The following DNER variants were observed in gnomAD, a reference collection of about 807,000 sequenced individuals.
DNER encodes delta/notch like EGF repeat containing.
DNER carries 33 observed loss-of-function variants against 78.2 expected under a neutral mutation model. The observed-to-expected ratio is 0.42, with a 90% CI of 0.32 to 0.56. DNER has a LOEUF of 0.56. DNER is among the 20% of genes least tolerant of loss of function. The pLI is 0.11. For synonymous variants in DNER, 417 were observed against 384.8 expected, an observed-to-expected ratio of 1.08 and a Z score of -0.98; for missense variants, 918 against 975.3, an observed-to-expected ratio of 0.94 and a Z score of 0.78.
At chr2:229,613,615 A>G (rs1436707769) in intron 1 of DNER, among the ~76,000 whole-genome samples, 1 of 152,058 alleles carries the variant, frequency 6.6e-6, no homozygotes, top group Non-Finnish European at 1.5e-5. Context: ...GATTGTTTTT[A>G]CTATACTCTA....
chr2:229,544,228 G>A (rs1559162183), intron 5 of DNER, among the ~76,000 whole-genome samples: 1 of 152,114 alleles, frequency 6.6e-6, no homozygotes, highest in Non-Finnish European at 1.5e-5. Context: ...TCGGGAAGAA[G>A]AGCAGACTGG....
intron 8 of DNER, among the ~76,000 whole-genome samples, chr2:229,427,793 T>C (rs749060348): frequency 1.6e-4 from 24 of 152,110 alleles, no homozygotes; most frequent in Non-Finnish European, 2.8e-4. Flanking sequence ...ATAAGAACAC[T>C]GGGCTGGGCA....
chr2:229,632,532 A>G (rs1179486776), intron 1 of DNER, among the ~76,000 whole-genome samples: 1 of 152,198 alleles, frequency 6.6e-6, no homozygotes, highest in African/African-American at 2.4e-5. Flanking sequence ...GATTTCATTC[A>G]TTTACAATCA....
At chr2:229,524,845 C>T (rs1322432094) in intron 5 of DNER, among the ~76,000 whole-genome samples, 2 of 152,200 alleles carry the variant, frequency 1.3e-5, no homozygotes, top group East Asian at 1.9e-4. Flanking sequence ...TGGGCCAGGC[C>T]GAGGTCAATC....
chr2:229,701,120 C>T (rs1227363009), intron 1 of DNER, among the ~76,000 whole-genome samples: 3 of 151,980 alleles, frequency 2.0e-5, no homozygotes, highest in Non-Finnish European at 2.9e-5. Context: ...CAGGAGAGGC[C>T]GAAGAAAGGG....
chr2:229,524,791 G>C (rs906016694), intron 5 of DNER, among the ~76,000 whole-genome samples: 5 of 152,210 alleles, frequency 3.3e-5, no homozygotes, highest in Admixed American at 6.5e-5. Flanking sequence ...ATCCCTTATA[G>C]AGAGTCTCCA....
At chr2:229,641,643 C>T (rs1358367613) in intron 1 of DNER, among the ~76,000 whole-genome samples, 2 of 151,722 alleles carry the variant, frequency 1.3e-5, no homozygotes, top group African/African-American at 2.4e-5. Context: ...TCCTCTGATC[C>T]ATTAGCAATA....
chr2:229,366,921 C>T lies in DNER; in HGVS notation c.2054G>A (p.Ser685Asn). ...GGCATTGCTGAACTCGCTGTCGATG[C>T]TGCGGCAGTTGTAGAACTCCTCATA... ...PAYEEFYNCR[S>N]IDSEFSNAIA... The change falls in exon 12 of 13, where the codon AGC (serine) becomes AAC (asparagine). Residue 685 changes from serine (S) to asparagine (N), a missense_variant. By Grantham distance (46) the Ser-to-Asn change is conservative (BLOSUM62 1). Coordinates refer to ENST00000341772, the MANE Select transcript of DNER (RefSeq NM_139072.4). The T allele has an allele frequency of 6.2e-7, 1 of 1,614,200 alleles. No homozygotes were observed. Among genetic ancestry groups the T allele is most frequent in the Non-Finnish European group, 8.5e-7 (1 of 1,180,042 alleles).
intron 4 of DNER, among the ~76,000 whole-genome samples, chr2:229,549,193 G>A (rs1241889166): frequency 1.3e-5 from 2 of 152,198 alleles, no homozygotes; most frequent in African/African-American, 2.4e-5. Flanking sequence ...TAGCCAGGGA[G>A]ATGGAGCTTC....
At chr2:229,491,424 C>A (rs1695397298) in intron 6 of DNER, among the ~76,000 whole-genome samples, 1 of 152,180 alleles carries the variant, frequency 6.6e-6, no homozygotes, top group African/African-American at 2.4e-5. Context: ...GACCCAATCA[C>A]CTCCCAAAGG....
At chr2:229,655,136 T>C (rs904296564) in intron 1 of DNER, among the ~76,000 whole-genome samples, 1 of 152,120 alleles carries the variant, frequency 6.6e-6, no homozygotes, top group African/African-American at 2.4e-5. Context: ...CAGTGAAATG[T>C]ATGGTGGGCC....
At chr2:229,644,863 A>G (rs563308869) in intron 1 of DNER, among the ~76,000 whole-genome samples, 12 of 152,204 alleles carry the variant, frequency 7.9e-5, no homozygotes, top group Non-Finnish European at 1.6e-4. Context: ...CATCAGCTGT[A>G]AATATTGCTT....
In DNER at chr2:229,527,739, T is replaced by C. The variant is rs574158538; in HGVS notation, c.994-14803A>G. ...ACTTCATAATAACTTTTTTTTAAGTTATTTTCTCCTACTATTACTCCTGGC... is the reference window on the plus strand; with the variant it reads ...ACTTCATAATAACTTTTTTTTAAGTCATTTTCTCCTACTATTACTCCTGGC... On this transcript the variant is annotated intron_variant, in intron 5 of 12. Coordinates refer to ENST00000341772, the MANE Select transcript of DNER (RefSeq NM_139072.4). 6.6e-5 allele frequency among the ~76,000 whole-genome samples: 10 copies of C among 152,312 alleles called. No homozygotes were observed. In the South Asian group the frequency reaches 1.4e-3, roughly 22 times the overall value.
At chr2:229,593,884 G>A (rs897529321) in intron 1 of DNER, among the ~76,000 whole-genome samples, 1 of 152,240 alleles carries the variant, frequency 6.6e-6, no homozygotes, top group Non-Finnish European at 1.5e-5. Flanking sequence ...CATTAAAAAG[G>A]CAGAAATACA....
intron 4 of DNER, among the ~76,000 whole-genome samples, chr2:229,548,487 CAAGA>C (rs1236332974): frequency 6.6e-6 from 1 of 152,064 alleles, no homozygotes; most frequent in Non-Finnish European, 1.5e-5. Context: ...CAAACTATCA[CAAGA>C]TCAGAAAACC....
chr2:229,417,125 A>G (rs1218488645), intron 9 of DNER, among the ~76,000 whole-genome samples: 1 of 152,192 alleles, frequency 6.6e-6, no homozygotes, highest in Non-Finnish European at 1.5e-5. Flanking sequence ...ACACAAAGTC[A>G]AGACCTGGCC....
chr2:229,438,236 T>A (rs1694162982), intron 8 of DNER, among the ~76,000 whole-genome samples: 1 of 152,150 alleles, frequency 6.6e-6, no homozygotes, highest in Non-Finnish European at 1.5e-5. Flanking sequence ...CGTCTATTGG[T>A]CAAGTATCAT....
chr2:229,480,055 C>T (rs145870807), intron 6 of DNER, among the ~76,000 whole-genome samples: 78 of 152,262 alleles, frequency 5.1e-4, no homozygotes, highest in African/African-American at 1.6e-3. Flanking sequence ...GATGTACATC[C>T]CCACCAGACA....
chr2:229,659,701 A>C (rs914011949), intron 1 of DNER, among the ~76,000 whole-genome samples: 8 of 152,118 alleles, frequency 5.3e-5, no homozygotes, highest in Non-Finnish European at 1.2e-4. Context: ...CAGGTGAAAA[A>C]CAACTGACCT....
Sources: allele counts gnomAD v4.1 joint callset (sites outside exome capture counted in the v4.1 genomes callset), GRCh38; gene constraint gnomAD v4.1.1; transcripts MANE v1.5; gene names NCBI Gene and HGNC (gene_info 2026-07-23, HGNC 2026-07-21).